The following STIM1 variants were observed in gnomAD, a reference collection of about 807,000 sequenced individuals.
STIM1 encodes stromal interaction molecule 1.
Under a neutral mutation model 74.7 loss-of-function variants are expected in STIM1, and 25 were observed. The observed-to-expected ratio is 0.33, with a 90% CI of 0.24 to 0.47. The LOEUF (loss-of-function observed/expected upper bound fraction) is 0.47. Ranked by LOEUF, STIM1 falls within the 20% of genes least tolerant of loss-of-function variation. The probability of loss-of-function intolerance (pLI) is 1.00; values close to 1 mark genes in which losing one functional copy is unlikely to be tolerated. For missense variants in STIM1, 728 were observed against 920.8 expected (o/e 0.79, Z 2.71); for synonymous variants, 328 against 348.8 (o/e 0.94, Z 0.66).
In STIM1 at chr11:4,016,705, G is replaced by A. The variant is rs150649452; in HGVS notation, c.271-7168G>A. 5.7e-3 allele frequency among the ~76,000 whole-genome samples: 870 copies of A among 152,358 alleles called. 10 individuals carry two copies. Among genetic ancestry groups the A allele is most frequent in the African/African-American group, 0.02 (824 of 41,584 alleles). ...GCCTTGCTGAGGTGCAATGGGCTCC[G>A]CCCAGTTTGAGCTCCTTGCCACTTT... On this transcript the variant is annotated intron_variant, in intron 2 of 12. Transcript: ENST00000526596.
chr11:4,016,068 C>T (rs1320986005), intron 2 of STIM1, among the ~76,000 whole-genome samples: 1 of 152,210 alleles, frequency 6.6e-6, no homozygotes, highest in Non-Finnish European at 1.5e-5. Context: ...CTCATCCTCC[C>T]TCCAGTTTTG....
At chr11:4,084,833 A>G in intron 11 of STIM1, 68 bp downstream of exon 11, 4 of 1,208,018 alleles carry the variant, frequency 3.3e-6, no homozygotes, top group Non-Finnish European at 4.4e-6. Flanking sequence ...CTCTTACCCC[A>G]TGGGTCCCTT....
intron 6 of STIM1, among the ~76,000 whole-genome samples, chr11:4,073,477 ACTTGT>A (rs2094418172): frequency 6.6e-6 from 1 of 152,164 alleles, no homozygotes; most frequent in African/African-American, 2.4e-5. Flanking sequence ...TTATCTGTCT[ACTTGT>A]CTTTGTTGGA....
chr11:3,915,315 C>T lies in STIM1; in HGVS notation c.140-52237C>T, dbSNP rs1381401186. Among the ~76,000 whole-genome samples the T allele has an allele frequency of 2.0e-5, 3 of 152,072 alleles. No homozygotes were observed. In the South Asian group the frequency reaches 6.2e-4, roughly 32 times the overall value. On this transcript the variant is annotated intron_variant, in intron 1 of 12. Coordinates refer to ENST00000526596, the MANE Select transcript of STIM1 (RefSeq NM_001382567.1). ...ATGTTGCCCAGGTGCATCTCGAATTCCCGGGCTCAAGCAATACACCTGCCT... is the reference window on the plus strand; with the variant it reads ...ATGTTGCCCAGGTGCATCTCGAATTTCCGGGCTCAAGCAATACACCTGCCT...
chr11:4,063,153 A>G (rs2094342675), intron 5 of STIM1, among the ~76,000 whole-genome samples: 1 of 152,200 alleles, frequency 6.6e-6, no homozygotes, highest in Admixed American at 6.5e-5. Context: ...TAGATATGGC[A>G]TTTCTTTTTG....
At chr11:4,020,429 G>T (rs752811512) in intron 2 of STIM1, among the ~76,000 whole-genome samples, 8 of 152,024 alleles carry the variant, frequency 5.3e-5, no homozygotes, top group African/African-American at 1.4e-4. Flanking sequence ...GTGTGTAAGG[G>T]TTTCCCTTTC....
chr11:3,955,484 G>A (rs1214284241), intron 1 of STIM1, among the ~76,000 whole-genome samples: 4 of 152,130 alleles, frequency 2.6e-5, no homozygotes, highest in African/African-American at 9.7e-5. Context: ...GGTTACTCAT[G>A]GTAGTATTGA....
intron 1 of STIM1, chr11:3,892,481 A>C (rs2091924929): frequency 6.6e-7 from 1 of 1,524,846 alleles, no homozygotes; most frequent in African/African-American, 1.4e-5. Flanking sequence ...CACAATATTC[A>C]TGCCTTCTTT....
intron 1 of STIM1, among the ~76,000 whole-genome samples, chr11:3,883,511 G>A (rs192334849): frequency 6.6e-6 from 1 of 152,012 alleles, no homozygotes; most frequent in Non-Finnish European, 1.5e-5. Flanking sequence ...GCGCCACCAC[G>A]CCCAGCTAAT....
intron 1 of STIM1, among the ~76,000 whole-genome samples, chr11:3,911,638 T>G (rs988357463): frequency 6.6e-6 from 1 of 152,128 alleles, no homozygotes; most frequent in Non-Finnish European, 1.5e-5. Context: ...CCTCCTGTCT[T>G]GGCCTCCCAC....
intron 12 of STIM1, among the ~76,000 whole-genome samples, chr11:4,088,287 G>A (rs1014209060): frequency 6.6e-6 from 1 of 152,124 alleles, no homozygotes; most frequent in African/African-American, 2.4e-5. Context: ...TCTCTGAAAT[G>A]GTGACCACAG....
At chr11:3,983,073 A>G (rs537667860) in intron 2 of STIM1, among the ~76,000 whole-genome samples, 200 of 152,290 alleles carry the variant, frequency 1.3e-3, no homozygotes, top group African/African-American at 4.6e-3. Context: ...CTGGGGCTAC[A>G]GGCATGCACC....
intron 12 of STIM1, chr11:4,086,803 C>G (rs1057220631): frequency 4.6e-6 from 7 of 1,536,446 alleles, no homozygotes; most frequent in African/African-American, 2.7e-5. Flanking sequence ...GGAGCCCTAC[C>G]CTGACACACC....
Position 3,891,264 on chromosome 11 carries a change from AT to A in STIM1, c.139+34857del, listed in dbSNP as rs753905019. Among the ~76,000 whole-genome samples the A allele has an allele frequency of 7.3e-5, 11 of 151,148 alleles. No homozygotes were observed. In the South Asian group the frequency reaches 2.3e-3, roughly 32 times the overall value. ...TCTAATTCCAAACTCTATTTTTTTT[AT>A]TGTTTTAAATAAAAAAAATTTTATT... On this transcript the variant is annotated intron_variant, in intron 1 of 12. Coordinates refer to ENST00000526596, the MANE Select transcript of STIM1 (RefSeq NM_001382567.1).
intron 7 of STIM1, among the ~76,000 whole-genome samples, chr11:4,075,945 C>T (rs1349208474): frequency 6.6e-6 from 1 of 151,948 alleles, no homozygotes; most frequent in Non-Finnish European, 1.5e-5. Context: ...TTATTAAACA[C>T]CTTTTTATAA....
rs547185729 is a variant in STIM1 at position 4,028,021 on chromosome 11, C to T, written c.385+4034C>T. Among the ~76,000 whole-genome samples the T allele has an allele frequency of 2.0e-5, 3 of 152,302 alleles. No homozygotes were observed. The South Asian group carries it at 6.2e-4, about 32-fold the overall frequency. On this transcript the variant is annotated intron_variant, in intron 3 of 12. Transcript: ENST00000526596. ...TTCATTTTTTCTAAGCAAAGTGCAT[C>T]GTTACTGTTTCTCTTCTCCTTTCCT...
At chr11:3,905,289 T>C (rs2092446653) in intron 1 of STIM1, among the ~76,000 whole-genome samples, 2 of 151,878 alleles carry the variant, frequency 1.3e-5, no homozygotes, top group South Asian at 2.1e-4. Flanking sequence ...ACAAAAGACT[T>C]TTTTGAGAAA....
chr11:3,882,177 G>A (rs757248474), intron 1 of STIM1, among the ~76,000 whole-genome samples: 4 of 133,562 alleles, frequency 3.0e-5, no homozygotes, highest in Non-Finnish European at 3.1e-5. Flanking sequence ...TTGGCTCACC[G>A]CAACCTCTGT....
intron 12 of STIM1, among the ~76,000 whole-genome samples, chr11:4,089,359 C>T (rs1018434227): frequency 6.6e-6 from 1 of 152,210 alleles, no homozygotes; most frequent in African/African-American, 2.4e-5. Context: ...AGAATCTTCA[C>T]TTCCTCAGCT....
Sources: allele counts gnomAD v4.1 joint callset (sites outside exome capture counted in the v4.1 genomes callset), GRCh38; gene constraint gnomAD v4.1.1; transcripts MANE v1.5; gene names NCBI Gene and HGNC (gene_info 2026-07-23, HGNC 2026-07-21).